FPGT: variants seen among roughly 807,000 people sequenced by gnomAD.
FPGT encodes fucose-1-phosphate guanylyltransferase.
FPGT carries 41 observed loss-of-function variants against 45.8 expected under a neutral mutation model. That is an observed-to-expected ratio of 0.90 (90% CI 0.70 to 1.16). The LOEUF (loss-of-function observed/expected upper bound fraction) is 1.16. Among genes scored for constraint, FPGT ranks in the 50% most tolerant of loss-of-function variants. The probability of loss-of-function intolerance (pLI) is 0.00; values close to 1 mark genes in which losing one functional copy is unlikely to be tolerated. For synonymous variants in FPGT, 292 were observed against 247.2 expected (o/e 1.18, Z -1.70); for missense variants, 755 against 689.1 (o/e 1.10, Z -1.07).
At position 74,207,409 on chromosome 1, in the gene FPGT, T is replaced by C. The variant is rs748831414; in HGVS notation, c.*1577T>C. Reference sequence around the variant, plus strand: ...TTCAGCACTTTCAGAGCTATTGATATGCATATGTCCACCTAGTACCATCTT... The same window carrying C: ...TTCAGCACTTTCAGAGCTATTGATACGCATATGTCCACCTAGTACCATCTT... On this transcript the variant is annotated 3_prime_UTR_variant, in exon 4 of 4. Coordinates refer to ENST00000370898, the MANE Select transcript of FPGT (RefSeq NM_003838.5). Among the ~76,000 whole-genome samples the C allele has an allele frequency of 6.6e-6, 1 of 152,122 alleles. No individual in the cohort carries two copies. The highest frequency in any genetic ancestry group is 1.5e-5 in the Non-Finnish European group (1 of 67,970).
rs1652133248 is a variant in FPGT, at chr1:74,204,896, G to T, written c.849G>T (p.Met283Ile). 1 of 1,613,606 alleles carries T rather than the reference G, an allele frequency of 6.2e-7. No individual in the cohort carries two copies. The highest frequency in any genetic ancestry group is 8.5e-7 in the Non-Finnish European group (1 of 1,179,774). Residue 283 changes from methionine to isoleucine, a missense_variant, in exon 4 of 4, where the codon ATG becomes ATT. Transcript: ENST00000370898. ...ATATGGATCATAAATCAGCAAAAATGTTACTTGCTTTTTATGAAAAAATAG... is the reference window on the plus strand; with the variant it reads ...ATATGGATCATAAATCAGCAAAAATTTTACTTGCTTTTTATGAAAAAATAG... ...LFYMDHKSAK[M>I]LLAFYEKIGT... is the part of the protein sequence containing the mutation.
chr1:74,205,375 C>A lies in FPGT; in HGVS notation c.1328C>A (p.Thr443Lys). ...NCIISGSYIL[T>K]KAALPAHSFV... is the part of the protein sequence containing the mutation. ...ATTATTAGTGGTTCTTACATCCTAA[C>A]AAAAGCTGCCCTCCCCGCACATTCT... Residue 443 changes from threonine (T) to lysine (K), a missense_variant, in exon 4 of 4, where the codon ACA becomes AAA. Thr to Lys is a moderately conservative substitution (Grantham distance 78). Coordinates refer to ENST00000370898, the MANE Select transcript of FPGT (RefSeq NM_003838.5). 8 of 1,614,030 alleles carry A rather than the reference C, an allele frequency of 5.0e-6. No homozygotes were observed. Among genetic ancestry groups the A allele is most frequent in the Non-Finnish European group, 6.8e-6 (8 of 1,179,908 alleles).
intron 3 of FPGT, among the ~76,000 whole-genome samples, chr1:74,201,794 G>A (rs1651826195): frequency 6.6e-6 from 1 of 152,134 alleles, no homozygotes; most frequent in Non-Finnish European, 1.5e-5. Context: ...TCCATGTGCA[G>A]GTTTGTTACA....
rs901573634 is a variant in FPGT at position 74,208,090 on chromosome 1, A to G, written c.*2258A>G. 6.6e-6 allele frequency among the ~76,000 whole-genome samples: 1 copy of G among 151,988 alleles called. No individual in the cohort carries two copies. Among genetic ancestry groups the G allele is most frequent in the East Asian group, 1.9e-4 (1 of 5,180 alleles). Reference sequence around the variant, plus strand: ...CATGTGAGCAAGTAACAACTCCATGACTATTGCTGCCTGGCTAATAGCTAT... The same window carrying G: ...CATGTGAGCAAGTAACAACTCCATGGCTATTGCTGCCTGGCTAATAGCTAT... On this transcript the variant is annotated 3_prime_UTR_variant, in exon 4 of 4. Coordinates refer to ENST00000370898, the MANE Select transcript of FPGT (RefSeq NM_003838.5).
rs201652913 is a variant in FPGT at position 74,201,303 on chromosome 1, A to G, written c.251-15A>G. ...TCTATTAAATAAATTGTGCTTTTTTAACTTTGTTTTTAAGGAAATGGAGGA... is the reference window on the plus strand; with the variant it reads ...TCTATTAAATAAATTGTGCTTTTTTGACTTTGTTTTTAAGGAAATGGAGGA... On this transcript the variant is annotated splice_polypyrimidine_tract_variant and intron_variant, in intron 2 of 3. Coordinates refer to ENST00000370898, the MANE Select transcript of FPGT (RefSeq NM_003838.5). 23 of 1,603,068 alleles carry G rather than the reference A, an allele frequency of 1.4e-5. No individual in the cohort carries two copies. Among genetic ancestry groups the G allele is most frequent in the Non-Finnish European group, 2.0e-5 (23 of 1,174,988 alleles).
chr1:74,201,252 C>G, intron 2 of FPGT, 66 bp from the exon 3 acceptor site: 2 of 1,334,238 alleles, frequency 1.5e-6, no homozygotes, highest in South Asian at 2.5e-5. Flanking sequence ...CCTAAATTTA[C>G]TGTCATGACA....
At position 74,205,227 on chromosome 1, in the gene FPGT, G is replaced by T. The variant is rs1202353316; in HGVS notation, c.1180G>T (p.Glu394Ter). The T allele has an allele frequency of 1.9e-6, 3 of 1,614,086 alleles. No homozygotes were observed. Among genetic ancestry groups the T allele is most frequent in the Non-Finnish European group, 2.5e-6 (3 of 1,179,980 alleles). ...TTTTAGTATCTTTCCAGATATACCA[G>T]AATGCTCTGGCAAAACATCCTGTAT... ...ITFSIFPDIP[E>*]CSGKTSCIIQ... Residue 394 changes from glutamate (E) to a stop codon, truncating the protein, a stop_gained, in exon 4 of 4, where the codon GAA becomes TAA. Transcript: ENST00000370898. LOFTEE classifies it high-confidence loss of function.
intron 3 of FPGT, among the ~76,000 whole-genome samples, chr1:74,203,485 G>T (rs566584199): frequency 6.6e-6 from 1 of 151,184 alleles, no homozygotes; most frequent in Non-Finnish European, 1.5e-5. Context: ...TTCGCCTCCC[G>T]GGTTCACGCC....
rs1326786116 is a variant in FPGT, at chr1:74,206,572, A to G, written c.*740A>G. On this transcript the variant is annotated 3_prime_UTR_variant, in exon 4 of 4. Transcript: ENST00000370898. ...GTGGTAGTAATAATTGAGATTCATC[A>G]ATAATCATATAATTTCACTATAGAC... is the stretch of plus-strand genomic sequence containing the variant. 1 of 152,110 alleles carries G rather than the reference A, an allele frequency of 6.6e-6. No individual in the cohort carries two copies. The highest frequency in any genetic ancestry group is 2.4e-5 in the African/African-American group (1 of 41,460). 9.4% of individuals were successfully genotyped at this position (152,110 alleles called of 1,614,324 possible). A position where few individuals can be genotyped will look rare whatever the true frequency, so the allele number is the denominator to read the frequency against.
At chr1:74,199,916 A>G in intron 2 of FPGT, 85 bp downstream of exon 2, 1 of 1,436,188 alleles carries the variant, frequency 7.0e-7, no homozygotes, top group Non-Finnish European at 9.4e-7. Flanking sequence ...TACAGTGTAT[A>G]AGCTGCATAT....
intron 3 of FPGT, among the ~76,000 whole-genome samples, chr1:74,201,933 G>A (rs140661426): frequency 0.011 from 1,687 of 152,074 alleles, 13 homozygotes; most frequent in Middle Eastern, 0.031. Flanking sequence ...TTGAGGGAAG[G>A]GTGGTTTAAC....
In FPGT at chr1:74,206,833, T is replaced by A. The variant is rs1290145472; in HGVS notation, c.*1001T>A. On this transcript the variant is annotated 3_prime_UTR_variant, in exon 4 of 4. Coordinates refer to ENST00000370898, the MANE Select transcript of FPGT (RefSeq NM_003838.5). ...TAGAATCTCAAGTTATGTGTTTCTA[T>A]ATTGGTATAAGCATATAAGTGAAAA... is the stretch of plus-strand genomic sequence containing the variant. 1 of 152,098 alleles carries A rather than the reference T, an allele frequency of 6.6e-6. No individual in the cohort carries two copies. The highest frequency in any genetic ancestry group is 1.5e-5 in the Non-Finnish European group (1 of 67,974). 9.4% of individuals were successfully genotyped at this position (152,098 alleles called of 1,614,324 possible).
At chr1:74,200,216 G>T (rs1476700684) in intron 2 of FPGT, among the ~76,000 whole-genome samples, 2 of 152,144 alleles carry the variant, frequency 1.3e-5, no homozygotes, top group East Asian at 3.9e-4. Context: ...ACCTCTTAGG[G>T]ACATAATGCA....
At position 74,204,590 on chromosome 1, in the gene FPGT, T is replaced by A. The variant is rs576522799; in HGVS notation, c.543T>A (p.Ile181=). ...ATAGTATTGGAGAATTTGAGTTTAT[T>A]AGGTTTGACAAACCTGGCTTTACTG... ...ELYSIGEFEF[I]RFDKPGFTAL... Residue 181 remains isoleucine, a synonymous_variant, in exon 4 of 4, where the codon ATT becomes ATA. Coordinates refer to ENST00000370898, the MANE Select transcript of FPGT (RefSeq NM_003838.5). 1.2e-6 allele frequency: 2 copies of A among 1,612,800 alleles called. No homozygotes were observed. Among genetic ancestry groups the A allele is most frequent in the South Asian group, 2.2e-5 (2 of 91,012 alleles).
At chr1:74,203,956 C>T (rs1041773015) in intron 3 of FPGT, among the ~76,000 whole-genome samples, 4 of 151,526 alleles carry the variant, frequency 2.6e-5, no homozygotes, top group African/African-American at 4.8e-5. Context: ...GCAGGAGAAT[C>T]GCTTGAACCT....
chr1:74,200,087 C>T (rs1229182492), intron 2 of FPGT, among the ~76,000 whole-genome samples: 1 of 152,196 alleles, frequency 6.6e-6, no homozygotes, highest in African/African-American at 2.4e-5. Flanking sequence ...GAAATTCACA[C>T]TATTCAGATA....
At chr1:74,200,331 A>G (rs972842299) in intron 2 of FPGT, among the ~76,000 whole-genome samples, 45 of 152,152 alleles carry the variant, frequency 3.0e-4, no homozygotes, top group Non-Finnish European at 5.7e-4. Context: ...AATAGAAATA[A>G]ATGCTGTTTT....
At position 74,207,639 on chromosome 1, in the gene FPGT, A is replaced by G. The variant is rs1416075992; in HGVS notation, c.*1807A>G. On this transcript the variant is annotated 3_prime_UTR_variant, in exon 4 of 4. Transcript: ENST00000370898. Reference sequence around the variant, plus strand: ...TGTGATTCTATTCAAAGTCAGAAAGAGATTTCTCACAAATTGACGTCATAT... The same window carrying G: ...TGTGATTCTATTCAAAGTCAGAAAGGGATTTCTCACAAATTGACGTCATAT... 2.0e-5 allele frequency among the ~76,000 whole-genome samples: 3 copies of G among 151,666 alleles called. No individual in the cohort carries two copies. The highest frequency in any genetic ancestry group is 1.3e-4 in the Admixed American group (2 of 15,186).
At chr1:74,200,161 A>C (rs1192911550) in intron 2 of FPGT, among the ~76,000 whole-genome samples, 1 of 152,252 alleles carries the variant, frequency 6.6e-6, no homozygotes, top group Admixed American at 6.5e-5. Context: ...GAGTTCCTCC[A>C]GCAATTTACA....
Sources: allele counts gnomAD v4.1 joint callset (sites outside exome capture counted in the v4.1 genomes callset), GRCh38; gene constraint gnomAD v4.1.1; transcripts MANE v1.5; gene names NCBI Gene and HGNC (gene_info 2026-07-23, HGNC 2026-07-21).